The following CCDC13 variants were observed in gnomAD, a reference collection of about 807,000 sequenced individuals.
The protein encoded by CCDC13 is coiled-coil domain-containing protein 13.
CCDC13 carries 70 observed loss-of-function variants against 87.3 expected under a neutral mutation model. The observed-to-expected ratio is 0.80, with a 90% CI of 0.66 to 0.98. The LOEUF (loss-of-function observed/expected upper bound fraction) is 0.98. Ranked by LOEUF, CCDC13 falls within the 50% of genes least tolerant of loss-of-function variation. The pLI, the probability that CCDC13 is intolerant of heterozygous loss-of-function variation, is 0.00. For missense variants in CCDC13, 842 were observed against 892.0 expected, an observed-to-expected ratio of 0.94 and a Z score of 0.71; for synonymous variants, 317 against 360.3, an observed-to-expected ratio of 0.88 and a Z score of 1.36.
intron 13 of CCDC13, among the ~76,000 whole-genome samples, chr3:42,714,967 C>T (rs553239485): frequency 2.0e-5 from 3 of 152,126 alleles, no homozygotes; most frequent in African/African-American, 4.8e-5. Flanking sequence ...ACAGTGACTG[C>T]GAGGTTCATG....
intron 5 of CCDC13, 109 bp downstream of exon 5, chr3:42,751,820 CGGGGTTG>C (rs1220936844): frequency 7.2e-6 from 6 of 829,430 alleles, no homozygotes; most frequent in Admixed American, 6.3e-5. Context: ...GGCTCGGCAG[CGGGGTTG>C]GGGGTTGGGG....
At chr3:42,748,143 C>T (rs1237113847) in intron 5 of CCDC13, among the ~76,000 whole-genome samples, 2 of 151,664 alleles carry the variant, frequency 1.3e-5, no homozygotes, top group African/African-American at 2.4e-5. Flanking sequence ...AATGGGCTGA[C>T]TACTTCTCTG....
intron 5 of CCDC13, among the ~76,000 whole-genome samples, chr3:42,751,141 G>A (rs781399261): frequency 1.3e-5 from 2 of 152,212 alleles, no homozygotes; most frequent in Non-Finnish European, 2.9e-5. Context: ...CTGAGGTGCA[G>A]GCAGCAGGGA....
intron 13 of CCDC13, among the ~76,000 whole-genome samples, chr3:42,725,533 C>CAA (rs56224625): frequency 3.8e-4 from 35 of 91,488 alleles, no homozygotes; most frequent in African/African-American, 8.1e-4. Context: ...GACCCTGTCT[C>CAA]AAAAAAAAAA....
intron 7 of CCDC13, chr3:42,745,629 GA>G (rs147457453): frequency 2.4e-3 from 545 of 229,098 alleles, no homozygotes; most frequent in East Asian, 3.8e-3. Context: ...CATAAACTAA[GA>G]AAAAAAAAAG....
intron 6 of CCDC13, 189 bp from the exon 7 acceptor site, chr3:42,746,216 C>T (rs562020316): frequency 6.5e-5 from 37 of 569,066 alleles, no homozygotes; most frequent in African/African-American, 6.2e-4. Flanking sequence ...AAGTAGTAAA[C>T]CCATCATCCC....
chr3:42,769,968 G>A (rs929345281), intron 1 of CCDC13, among the ~76,000 whole-genome samples: 3 of 152,238 alleles, frequency 2.0e-5, no homozygotes, highest in African/African-American at 7.2e-5. Flanking sequence ...GTGGGCTCCT[G>A]CGCGCCCCAG....
intron 3 of CCDC13, among the ~76,000 whole-genome samples, chr3:42,756,584 T>C (rs532195265): frequency 9.3e-5 from 14 of 150,040 alleles, no homozygotes; most frequent in African/African-American, 3.4e-4. Context: ...CTGGCTCTAC[T>C]GGGGCTTTTT....
intron 13 of CCDC13, among the ~76,000 whole-genome samples, chr3:42,728,436 A>G (rs896797968): frequency 3.3e-5 from 5 of 152,024 alleles, no homozygotes; most frequent in African/African-American, 1.2e-4. Flanking sequence ...TCTGCAGATA[A>G]AGAAAGGAGT....
intron 1 of CCDC13, among the ~76,000 whole-genome samples, chr3:42,765,883 G>C (rs1384367545): frequency 6.6e-6 from 1 of 152,174 alleles, no homozygotes; most frequent in Non-Finnish European, 1.5e-5. Context: ...AGAAGGGTCT[G>C]ATCTGCCCAG....
rs1698164606 is a variant in CCDC13 at position 42,705,816 on chromosome 3, T to C, written c.*3164A>G. Among the ~76,000 whole-genome samples the C allele has an allele frequency of 1.3e-5, 2 of 152,318 alleles. No individual in the cohort carries two copies. Among genetic ancestry groups the C allele is most frequent in the South Asian group, 4.1e-4 (2 of 4,830 alleles). On this transcript the variant is annotated 3_prime_UTR_variant, in exon 16 of 16. Transcript: ENST00000310232. ...CCTAAGTTAGGTTTCTCAGGGTCCC[T>C]ATCTTTGACCCCTTTGATGACCTCC...
At chr3:42,739,593 C>T in intron 9 of CCDC13, 41 bp downstream of exon 9, 2 of 1,585,442 alleles carry the variant, frequency 1.3e-6, no homozygotes, top group Non-Finnish European at 1.7e-6. Flanking sequence ...CTTTGAGGAA[C>T]CACCCCTGGC....
In CCDC13 at chr3:42,708,916, C is replaced by G; in HGVS notation, c.*64G>C. 2.0e-6 allele frequency: 3 copies of G among 1,511,754 alleles called. No individual in the cohort carries two copies. The highest frequency in any genetic ancestry group is 2.7e-6 in the Non-Finnish European group (3 of 1,129,504). The allele number at this position is 1,511,754 out of a possible 1,614,324, so 93.6% of individuals were successfully genotyped here. On this transcript the variant is annotated 3_prime_UTR_variant, in exon 16 of 16. Coordinates refer to ENST00000310232, the MANE Select transcript of CCDC13 (RefSeq NM_144719.4). ...TCCCGGAGCAGATGGAGTCCTCAGACAGAGTCTTATCCTCTCAAGACCTGA... is the reference window on the plus strand; with the variant it reads ...TCCCGGAGCAGATGGAGTCCTCAGAGAGAGTCTTATCCTCTCAAGACCTGA...
intron 1 of CCDC13, among the ~76,000 whole-genome samples, chr3:42,760,146 C>A (rs976441489): frequency 7.3e-5 from 11 of 151,696 alleles, no homozygotes; most frequent in Non-Finnish European, 1.5e-4. Context: ...ACAAAATTAG[C>A]CAGGCGTGGT....
chr3:42,759,405 A>G (rs1363962265), intron 1 of CCDC13, among the ~76,000 whole-genome samples: 1 of 152,066 alleles, frequency 6.6e-6, no homozygotes, highest in African/African-American at 2.4e-5. Flanking sequence ...GAACATTTTC[A>G]TCACCCCAAA....
In CCDC13 at chr3:42,757,149, C is replaced by T. The variant is rs773251024; in HGVS notation, c.287G>A (p.Arg96Gln). The change falls in exon 3 of 16, where the codon CGA becomes CAA. Residue 96 changes from arginine (R) to glutamine (Q), a missense_variant. Transcript: ENST00000310232. The part of the protein sequence containing the change: ...ELRETVDENG[R>Q]LYKLLKERDF... ...CCTTTCCTTCAGCAGCTTATACAAT[C>T]GCCCGTTCTCGTCCACCGTTTCCCT... 26 of 1,614,090 alleles carry T rather than the reference C, an allele frequency of 1.6e-5. No homozygotes were observed. The highest frequency in any genetic ancestry group is 4.0e-5 in the African/African-American group (3 of 74,940).
At position 42,709,779 on chromosome 3, in the gene CCDC13, G is replaced by A. The variant is rs779729163; in HGVS notation, c.1893C>T (p.Asn631=). ...RTKTGLPTSN[N]RHNPTGSEKK... ...TCTCGCTCCCGGTTGGGTTGTGCCTGTTGTTAGAGGTGGGCAGACCTGTGG... is the reference window on the plus strand; with the variant it reads ...TCTCGCTCCCGGTTGGGTTGTGCCTATTGTTAGAGGTGGGCAGACCTGTGG... The change falls in exon 15 of 16, where the codon AAC becomes AAT. Residue 631 remains asparagine, a synonymous_variant. Coordinates refer to ENST00000310232, the MANE Select transcript of CCDC13 (RefSeq NM_144719.4). The A allele has an allele frequency of 3.0e-5, 49 of 1,613,998 alleles. No individual in the cohort carries two copies. In the South Asian group the frequency reaches 4.5e-4, roughly 15 times the overall value.
chr3:42,716,687 A>T (rs1698438065), intron 13 of CCDC13, among the ~76,000 whole-genome samples: 1 of 152,214 alleles, frequency 6.6e-6, no homozygotes. Flanking sequence ...AAAGGAAAAT[A>T]AGTGTTGGTG....
chr3:42,729,345 C>G (rs1399493601), intron 13 of CCDC13, among the ~76,000 whole-genome samples: 1 of 152,186 alleles, frequency 6.6e-6, no homozygotes. Flanking sequence ...TTGAGTATGT[C>G]TGAAATTCAC....
Sources: gnomAD v4.1 joint callset for allele counts (sites outside exome capture counted in the v4.1 genomes callset) on GRCh38, gnomAD v4.1.1 for gene constraint, MANE v1.5 for transcripts, NCBI Gene and HGNC (gene_info 2026-07-23, HGNC 2026-07-21) for gene names.